Variants in SEMA5A observed in about 807,000 individuals in gnomAD.
The protein encoded by SEMA5A is semaphorin-5A.
Under a neutral mutation model 135.5 loss-of-function variants are expected in SEMA5A, and 55 were observed. That is an observed-to-expected ratio of 0.41 (90% CI 0.33 to 0.51). The LOEUF (loss-of-function observed/expected upper bound fraction) is 0.51, where lower values mean the gene tolerates loss of function less well. Ranked by LOEUF, SEMA5A falls within the 20% of genes least tolerant of loss-of-function variation. SEMA5A has a pLI of 0.37. For missense variants in SEMA5A, 1,290 were observed against 1,419.9 expected, an observed-to-expected ratio of 0.91 and a Z score of 1.47; for synonymous variants, 580 against 546.5, an observed-to-expected ratio of 1.06 and a Z score of -0.85.
intron 2 of SEMA5A, among the ~76,000 whole-genome samples, chr5:9,381,092 A>C (rs1030450635): frequency 1.3e-5 from 2 of 152,246 alleles, no homozygotes; most frequent in African/African-American, 4.8e-5. Context: ...GGCAAACTAC[A>C]CTAAGGTGTG....
intron 10 of SEMA5A, among the ~76,000 whole-genome samples, chr5:9,195,288 C>A (rs541546973): frequency 2.0e-5 from 3 of 152,134 alleles, no homozygotes; most frequent in African/African-American, 4.8e-5. Context: ...ATCTCAGACT[C>A]CCAAATAGCT....
intron 3 of SEMA5A, among the ~76,000 whole-genome samples, chr5:9,354,372 T>A (rs183762271): frequency 6.6e-6 from 1 of 152,344 alleles, no homozygotes; most frequent in Admixed American, 6.5e-5. Flanking sequence ...TCATTTCTAA[T>A]CTTGTTTCCA....
At chr5:9,275,084 G>T (rs2150550297) in intron 5 of SEMA5A, among the ~76,000 whole-genome samples, 1 of 152,096 alleles carries the variant, frequency 6.6e-6, no homozygotes, top group African/African-American at 2.4e-5. Flanking sequence ...TAGACTTCTA[G>T]CCAGACTAAT....
At chr5:9,266,423 A>G (rs1366907835) in intron 5 of SEMA5A, among the ~76,000 whole-genome samples, 1 of 152,068 alleles carries the variant, frequency 6.6e-6, no homozygotes, top group African/African-American at 2.4e-5. Context: ...TTAGAGGGCC[A>G]TGGCTCCTTA....
chr5:9,042,614 C>CA lies in SEMA5A; in HGVS notation c.*282dup, dbSNP rs1488903955. On this transcript the variant is annotated 3_prime_UTR_variant, in exon 23 of 23. Coordinates refer to ENST00000382496, the MANE Select transcript of SEMA5A (RefSeq NM_003966.3). ...GGTGGCACATTTATAAAATAATGCT[C>CA]AAAAAACAAACCAATGGACTTGTCA... The CA allele has an allele frequency of 2.8e-5, 10 of 357,614 alleles. No homozygotes were observed. The highest frequency in any genetic ancestry group is 4.1e-5 in the Non-Finnish European group (8 of 196,852). The allele number at this position is 357,614 out of a possible 1,614,324, so 22.2% of individuals were successfully genotyped here.
chr5:9,538,079 A>ATCT (rs1451123711), intron 1 of SEMA5A, among the ~76,000 whole-genome samples: 14 of 152,364 alleles, frequency 9.2e-5, no homozygotes, highest in African/African-American at 3.4e-4. Flanking sequence ...TGGAAGGTGC[A>ATCT]GTAAACAAGG....
At chr5:9,280,771 G>T in intron 5 of SEMA5A, 1 of 419,528 alleles carries the variant, frequency 2.4e-6, no homozygotes, top group Non-Finnish European at 4.8e-6. Context: ...GAACATCACT[G>T]ACAACAGCAA....
chr5:9,078,768 AATAAT>A (rs1252290245), intron 16 of SEMA5A, among the ~76,000 whole-genome samples: 1 of 152,144 alleles, frequency 6.6e-6, no homozygotes, highest in Non-Finnish European at 1.5e-5. Flanking sequence ...ATAAAATTAG[AATAAT>A]AGAGTACTTA....
intron 1 of SEMA5A, among the ~76,000 whole-genome samples, chr5:9,504,146 C>T (rs1735738509): frequency 1.4e-5 from 2 of 141,356 alleles, no homozygotes; most frequent in African/African-American, 2.6e-5. Flanking sequence ...ACCCAGGAGG[C>T]GGAGGCTGCA....
chr5:9,070,046 C>T (rs1191214664), intron 16 of SEMA5A, among the ~76,000 whole-genome samples: 6 of 152,130 alleles, frequency 3.9e-5, no homozygotes, highest in Non-Finnish European at 7.3e-5. Context: ...AGATAAGAAT[C>T]CTGGAGTTCC....
chr5:9,508,012 A>C (rs1156799719), intron 1 of SEMA5A, among the ~76,000 whole-genome samples: 1 of 67,002 alleles, frequency 1.5e-5, no homozygotes, highest in Admixed American at 1.7e-4. Flanking sequence ...TCAAAAAAAA[A>C]AAAAAGAAAA....
intron 4 of SEMA5A, among the ~76,000 whole-genome samples, chr5:9,323,945 G>A (rs1242071106): frequency 6.6e-6 from 1 of 151,736 alleles, no homozygotes; most frequent in East Asian, 1.9e-4. Context: ...CACCACGCCT[G>A]GCCTAAATAT....
chr5:9,287,776 A>G (rs1750873349), intron 5 of SEMA5A, among the ~76,000 whole-genome samples: 1 of 152,216 alleles, frequency 6.6e-6, no homozygotes, highest in African/African-American at 2.4e-5. Context: ...CGTGGCCTGC[A>G]AAGTCTCTGC....
intron 11 of SEMA5A, among the ~76,000 whole-genome samples, chr5:9,164,992 T>G (rs1190498585): frequency 6.6e-6 from 1 of 152,204 alleles, no homozygotes. Context: ...TACTTGTGTA[T>G]GATTAGATAG....
chr5:9,230,779 C>T lies in SEMA5A; in HGVS notation c.334-3812G>A, dbSNP rs3777295. On this transcript the variant is annotated intron_variant, in intron 6 of 22. Transcript: ENST00000382496. ...GAAGGAGGGTAGTAGTGTAGTTGGCCCCAGCCTTAACTAGAGGTCTGAGTT... is the reference window on the plus strand; with the variant it reads ...GAAGGAGGGTAGTAGTGTAGTTGGCTCCAGCCTTAACTAGAGGTCTGAGTT... Among the ~76,000 whole-genome samples, 19 of 152,142 alleles carry T rather than the reference C, an allele frequency of 1.2e-4. 1 individual carries two copies. The East Asian group carries it at 3.7e-3, about 30-fold the overall frequency.
At chr5:9,315,365 A>G (rs944934571) in intron 5 of SEMA5A, among the ~76,000 whole-genome samples, 1 of 152,198 alleles carries the variant, frequency 6.6e-6, no homozygotes, top group Admixed American at 6.6e-5. Flanking sequence ...AAAAACAATG[A>G]CATTCTCCTA....
At chr5:9,527,302 G>A (rs916810052) in intron 1 of SEMA5A, among the ~76,000 whole-genome samples, 1 of 152,166 alleles carries the variant, frequency 6.6e-6, no homozygotes, top group African/African-American at 2.4e-5. Flanking sequence ...GGGCTAGCAA[G>A]ACTTCAATGC....
At chr5:9,238,094 C>A (rs1748008631) in intron 5 of SEMA5A, among the ~76,000 whole-genome samples, 1 of 152,038 alleles carries the variant, frequency 6.6e-6, no homozygotes, top group Non-Finnish European at 1.5e-5. Context: ...AGCATAAGGA[C>A]CTTCCCCCTT....
At chr5:9,486,839 C>A (rs1654964612) in intron 1 of SEMA5A, among the ~76,000 whole-genome samples, 1 of 152,068 alleles carries the variant, frequency 6.6e-6, no homozygotes, top group Non-Finnish European at 1.5e-5. Flanking sequence ...TCTGCTTCTC[C>A]TCACAGTTCT....
Sources: gnomAD v4.1 joint callset for allele counts (sites outside exome capture counted in the v4.1 genomes callset) on GRCh38, gnomAD v4.1.1 for gene constraint, MANE v1.5 for transcripts, NCBI Gene and HGNC (gene_info 2026-07-23, HGNC 2026-07-21) for gene names.